The following AATF variants were observed in gnomAD, a reference collection of about 807,000 sequenced individuals.
The protein encoded by AATF is protein AATF.
In AATF, 48 loss-of-function variants were observed where a neutral mutation model predicts 63.7. That is an observed-to-expected ratio of 0.75 (90% CI 0.60 to 0.96). AATF has a LOEUF of 0.96. Ranked by LOEUF, AATF falls within the 40% of genes least tolerant of loss-of-function variation. The probability of loss-of-function intolerance (pLI) is 0.00; values close to 1 mark genes in which losing one functional copy is unlikely to be tolerated. For missense variants in AATF, 639 were observed against 685.7 expected (o/e 0.93, Z 0.76); for synonymous variants, 258 against 247.7 (o/e 1.04, Z -0.39).
chr17:36,966,231 AT>A (rs748099668), intron 4 of AATF, among the ~76,000 whole-genome samples: 4 of 151,968 alleles, frequency 2.6e-5, no homozygotes, highest in Non-Finnish European at 4.4e-5. Flanking sequence ...AAAAAAATCA[AT>A]TTTTTAAGTT....
intron 11 of AATF, among the ~76,000 whole-genome samples, chr17:37,032,140 GA>G (rs2071556578): frequency 6.6e-6 from 1 of 152,034 alleles, no homozygotes; most frequent in African/African-American, 2.4e-5. Flanking sequence ...GAGAAATACA[GA>G]AAAAAAGTGT....
chr17:36,990,145 G>A (rs2071202410), intron 7 of AATF, among the ~76,000 whole-genome samples: 1 of 151,930 alleles, frequency 6.6e-6, no homozygotes, highest in African/African-American at 2.4e-5. Context: ...AGACATTTAT[G>A]TAGTATAAAT....
At chr17:36,958,710 T>C (rs1344917253) in intron 4 of AATF, among the ~76,000 whole-genome samples, 1 of 152,250 alleles carries the variant, frequency 6.6e-6, no homozygotes, top group Non-Finnish European at 1.5e-5. Context: ...TTGTACCAAC[T>C]CTGCTCACCT....
rs567640963 is a variant in AATF at position 37,050,545 on chromosome 17, G to A, written c.1620-6056G>A. Among the ~76,000 whole-genome samples the A allele has an allele frequency of 7.2e-5, 11 of 152,268 alleles. No homozygotes were observed. The South Asian group carries it at 2.3e-3, about 32-fold the overall frequency. On this transcript the variant is annotated intron_variant, in intron 11 of 11. Transcript: ENST00000619387. ...TTTTAAAAGCACACATCTGTCATTGGTGACCGCGCTGGTCTGTGCAGAGCA... is the reference window on the plus strand; with the variant it reads ...TTTTAAAAGCACACATCTGTCATTGATGACCGCGCTGGTCTGTGCAGAGCA...
chr17:36,949,242 G>C (rs780182647), intron 1 of AATF, 26 bp downstream of exon 1: 2 of 1,565,204 alleles, frequency 1.3e-6, no homozygotes, highest in East Asian at 2.3e-5. Flanking sequence ...GGCAGGCCAC[G>C]TGCGGAGCGG....
chr17:36,962,206 A>G lies in AATF; in HGVS notation c.832+8299A>G, dbSNP rs562655827. 2.0e-5 allele frequency among the ~76,000 whole-genome samples: 3 copies of G among 152,356 alleles called. No homozygotes were observed. In the East Asian group the frequency reaches 5.8e-4, roughly 29 times the overall value. On this transcript the variant is annotated intron_variant, in intron 4 of 11. Transcript: ENST00000619387. ...ATACCTGTTAGCACTGAAATAACAT[A>G]TGCAGTGTTTTATCTATTTATTAGA...
intron 4 of AATF, among the ~76,000 whole-genome samples, chr17:36,960,633 T>C (rs2070939559): frequency 6.6e-6 from 1 of 152,208 alleles, no homozygotes; most frequent in Non-Finnish European, 1.5e-5. Context: ...ATTTCGGAGT[T>C]CTCTCAGTTA....
In AATF at chr17:36,953,357, C is replaced by G. The variant is rs559516721; in HGVS notation, c.694+61C>G. On this transcript the variant is annotated intron_variant, in intron 3 of 11. Transcript: ENST00000619387. ...AAGTATCTGCATTTGGTCTACTTTT[C>G]ATTTGTTTGTTTTTGGCTATTCTCT... is the stretch of plus-strand genomic sequence containing the variant. 5 of 1,563,054 alleles carry G rather than the reference C, an allele frequency of 3.2e-6. No individual in the cohort carries two copies. The Admixed American group carries it at 7.5e-5, about 23-fold the overall frequency.
At position 37,021,221 on chromosome 17, in the gene AATF, G is replaced by A. The variant is rs546826088; in HGVS notation, c.1547+207G>A. 28 of 452,812 alleles carry A rather than the reference G, an allele frequency of 6.2e-5. 1 individual carries two copies. Among genetic ancestry groups the A allele is most frequent in the African/African-American group, 4.9e-4 (24 of 49,440 alleles). The allele number at this position is 452,812 out of a possible 1,614,324, so 28.0% of individuals were successfully genotyped here. ...TTTCATTGACTTTTGTGCTACTGTT[G>A]TAATAGATGGGTGAAATAATATATG... is the stretch of plus-strand genomic sequence containing the variant. On this transcript the variant is annotated intron_variant, in intron 10 of 11. Coordinates refer to ENST00000619387, the MANE Select transcript of AATF (RefSeq NM_012138.4).
rs36122397 is a variant in AATF, at chr17:37,022,372, T to C, written c.1547+1358T>C. On this transcript the variant is annotated intron_variant, in intron 10 of 11. Transcript: ENST00000619387. ...GAAGTAGATTTCTCAATTACTTTAA[T>C]GAACTTGTTTTAGTATTTAACACAA... Among the ~76,000 whole-genome samples, 673 of 152,364 alleles carry C rather than the reference T, an allele frequency of 4.4e-3. 6 individuals carry two copies. The highest frequency in any genetic ancestry group is 0.015 in the African/African-American group (615 of 41,592).
chr17:37,029,835 G>A (rs2071538832), intron 10 of AATF, among the ~76,000 whole-genome samples: 1 of 152,062 alleles, frequency 6.6e-6, no homozygotes, highest in Admixed American at 6.5e-5. Flanking sequence ...CCAAAGTGCT[G>A]GGATTACAGG....
intron 11 of AATF, among the ~76,000 whole-genome samples, chr17:37,035,928 AT>A (rs57320597): frequency 6.7e-6 from 1 of 150,012 alleles, no homozygotes; most frequent in Non-Finnish European, 1.5e-5. Context: ...TGAATTTATT[AT>A]TTTTTTTTTC....
chr17:37,000,832 G>A (rs1271621016), intron 8 of AATF, among the ~76,000 whole-genome samples: 1 of 152,130 alleles, frequency 6.6e-6, no homozygotes, highest in Admixed American at 6.6e-5. Context: ...TTTCCAGGTT[G>A]CATGTAAAGA....
intron 8 of AATF, among the ~76,000 whole-genome samples, chr17:37,004,974 TA>T (rs1221277459): frequency 1.3e-5 from 2 of 152,226 alleles, no homozygotes; most frequent in Non-Finnish European, 2.9e-5. Context: ...ATTCCGAGAT[TA>T]AAAATCTGAA....
At chr17:37,048,975 T>C (rs2071721422) in intron 11 of AATF, among the ~76,000 whole-genome samples, 1 of 152,220 alleles carries the variant, frequency 6.6e-6, no homozygotes, top group Non-Finnish European at 1.5e-5. Context: ...GTCCTCAGCA[T>C]GTTGCTCTGT....
rs1389694367 is a variant in AATF, at chr17:36,953,145, A to C, written c.543A>C (p.Glu181Asp). The change falls in exon 3 of 12, where the codon GAA (glutamate) becomes GAC (aspartate). Residue 181 changes from glutamate to aspartate, a missense_variant. Physicochemically the swap from Glu to Asp is conservative, Grantham distance 45. Coordinates refer to ENST00000619387, the MANE Select transcript of AATF (RefSeq NM_012138.4). Reference protein sequence around the residue: ...EEEEDEESGMEEGDDAEDSQG... With the variant: ...EEEEDEESGMDEGDDAEDSQG... ...AGGAAGACGAAGAGAGTGGCATGGA[A>C]GAAGGGGATGACGCGGAAGACTCCC... is the stretch of plus-strand genomic sequence containing the variant. The C allele has an allele frequency of 1.9e-6, 3 of 1,614,166 alleles. No individual in the cohort carries two copies. Among genetic ancestry groups the C allele is most frequent in the African/African-American group, 2.7e-5 (2 of 75,038 alleles).
chr17:36,978,911 C>T (rs2071099461), intron 4 of AATF, among the ~76,000 whole-genome samples: 1 of 151,782 alleles, frequency 6.6e-6, no homozygotes. Context: ...GAAGTTAGGG[C>T]CTAAATGTTA....
chr17:37,004,362 G>C (rs2071325888), intron 8 of AATF, among the ~76,000 whole-genome samples: 1 of 152,144 alleles, frequency 6.6e-6, no homozygotes, highest in Non-Finnish European at 1.5e-5. Context: ...AAATAAATTG[G>C]AGACAGTGAG....
intron 4 of AATF, among the ~76,000 whole-genome samples, chr17:36,984,204 G>A (rs2071149375): frequency 6.6e-6 from 1 of 152,228 alleles, no homozygotes; most frequent in Admixed American, 6.5e-5. Context: ...AGGGATGCTT[G>A]TGAGACTACA....
Sources: allele counts gnomAD v4.1 joint callset (sites outside exome capture counted in the v4.1 genomes callset), GRCh38; gene constraint gnomAD v4.1.1; transcripts MANE v1.5; gene names NCBI Gene and HGNC (gene_info 2026-07-23, HGNC 2026-07-21).